The following NXN variants were observed in gnomAD, a reference collection of about 807,000 sequenced individuals.
The protein encoded by NXN is nucleoredoxin.
Under a neutral mutation model 48.6 loss-of-function variants are expected in NXN, and 16 were observed. The ratio of observed to expected loss-of-function variants is 0.33; its 90% CI spans 0.22 to 0.50. NXN has a LOEUF of 0.50. NXN is among the 20% of genes least tolerant of loss of function. The pLI is 0.98. For synonymous variants in NXN, 281 were observed against 269.6 expected (o/e 1.04, Z -0.41); for missense variants, 492 against 605.5 (o/e 0.81, Z 1.97).
intron 1 of NXN, among the ~76,000 whole-genome samples, chr17:931,345 G>T (rs2068851408): frequency 6.6e-6 from 1 of 150,742 alleles, no homozygotes; most frequent in Non-Finnish European, 1.5e-5. Flanking sequence ...CTCAGCTACT[G>T]GAGAGGCTGA....
At chr17:971,791 C>T (rs558039832) in intron 1 of NXN, among the ~76,000 whole-genome samples, 116 of 152,162 alleles carry the variant, frequency 7.6e-4, no homozygotes, top group Admixed American at 1.4e-3. Flanking sequence ...TACGCATAAA[C>T]GGTAAATTCA....
rs962947871 is a variant in NXN, at chr17:898,413, G to C, written c.361-72335C>G. ...ATTCCCACTCTGCCATCTGGAGCTC[G>C]TCCGGACGCCACCTCCTCTGAGAAA... On this transcript the variant is annotated intron_variant, in intron 1 of 7. Transcript: ENST00000336868. Among the ~76,000 whole-genome samples the C allele has an allele frequency of 4.0e-5, 3 of 75,166 alleles. 1 individual carries two copies. Among genetic ancestry groups the C allele is most frequent in the African/African-American group, 9.1e-5 (3 of 32,870 alleles). The allele number at this position is 75,166 out of a possible 152,430, so 49.3% of individuals were successfully genotyped here.
intron 5 of NXN, among the ~76,000 whole-genome samples, chr17:815,129 A>G (rs1462414096): frequency 1.3e-5 from 2 of 152,234 alleles, no homozygotes; most frequent in Non-Finnish European, 2.9e-5. Flanking sequence ...GTGGTTCATA[A>G]TGAAATTCAA....
In NXN at chr17:820,633, A is replaced by AAAT. The variant is rs1475750708; in HGVS notation, c.714-1089_714-1088insATT. On this transcript the variant is annotated intron_variant, in intron 4 of 7. Transcript: ENST00000336868. Reference sequence around the variant, plus strand: ...TCTCAAAAAAAAAAAAAAAAAAAAAAGTGATTGTGGCCAGACATGGTGGCT... The same window carrying AAAT: ...TCTCAAAAAAAAAAAAAAAAAAAAAAAATGTGATTGTGGCCAGACATGGTGGCT... Among the ~76,000 whole-genome samples the AAAT allele has an allele frequency of 8.7e-4, 61 of 70,362 alleles. 21 individuals carry two copies. Among genetic ancestry groups the AAAT allele is most frequent in the South Asian group, 4.0e-3 (9 of 2,276 alleles). The allele number at this position is 70,362 out of a possible 152,430, so 46.2% of individuals were successfully genotyped here.
chr17:900,772 A>G (rs1442974871), intron 1 of NXN, among the ~76,000 whole-genome samples: 1 of 152,116 alleles, frequency 6.6e-6, no homozygotes, highest in African/African-American at 2.4e-5. Context: ...CTTCATGGAA[A>G]GTTTTCTAAT....
chr17:828,247 G>A (rs532439701), intron 1 of NXN, among the ~76,000 whole-genome samples: 3 of 151,670 alleles, frequency 2.0e-5, no homozygotes, highest in African/African-American at 7.3e-5. Context: ...GGGATTACAG[G>A]TGCCCCCTAC....
chr17:876,267 G>T (rs1428704051), intron 1 of NXN, among the ~76,000 whole-genome samples: 3 of 151,856 alleles, frequency 2.0e-5, no homozygotes. Flanking sequence ...GAAAAGAAAA[G>T]AAAGGAAATG....
chr17:896,853 GA>G, intron 1 of NXN: 5 of 1,182,572 alleles, frequency 4.2e-6, no homozygotes, highest in Non-Finnish European at 4.4e-6. Context: ...ACGCGGTCCT[GA>G]CCACCCGCCC....
At chr17:948,543 T>G (rs1388332924) in intron 1 of NXN, among the ~76,000 whole-genome samples, 1 of 152,004 alleles carries the variant, frequency 6.6e-6, no homozygotes, top group Non-Finnish European at 1.5e-5. Flanking sequence ...GGCCCGGCCC[T>G]GCGCTGGGGA....
In NXN at chr17:961,341, T is replaced by C. The variant is rs770415553; in HGVS notation, c.360+17978A>G. ...CAGAGGTTGCAGTGAGCCGAGATCA[T>C]GCCATTGCACTCCAGCCTGGGCGAC... On this transcript the variant is annotated intron_variant, in intron 1 of 7. Coordinates refer to ENST00000336868, the MANE Select transcript of NXN (RefSeq NM_022463.5). 1.6e-4 allele frequency among the ~76,000 whole-genome samples: 24 copies of C among 151,220 alleles called. 1 individual carries two copies. Among genetic ancestry groups the C allele is most frequent in the South Asian group, 1.3e-3 (6 of 4,794 alleles).
At position 920,370 on chromosome 17, in the gene NXN, C is replaced by G. The variant is rs554989741; in HGVS notation, c.360+58949G>C. On this transcript the variant is annotated intron_variant, in intron 1 of 7. Transcript: ENST00000336868. This position sits in a 1 kb window ranked among gnomAD's most constrained non-coding sequence, Gnocchi z 4.6. ...GCCCATGTGGCTCTCCTCCCAGCCC[C>G]GAGCGCCTGGGGATACCTAGGCCCT... is the stretch of plus-strand genomic sequence containing the variant. Among the ~76,000 whole-genome samples, 11 of 152,038 alleles carry G rather than the reference C, an allele frequency of 7.2e-5. No individual in the cohort carries two copies. In the East Asian group the frequency reaches 2.1e-3, roughly 29 times the overall value.
intron 1 of NXN, among the ~76,000 whole-genome samples, chr17:952,209 C>A (rs2030178124): frequency 1.6e-5 from 2 of 122,770 alleles, no homozygotes; most frequent in African/African-American, 2.8e-5. Flanking sequence ...AAGGTTGGAA[C>A]CCGGCAGGTA....
chr17:930,831 G>C (rs910514491), intron 1 of NXN, among the ~76,000 whole-genome samples: 1 of 151,278 alleles, frequency 6.6e-6, no homozygotes, highest in Non-Finnish European at 1.5e-5. Context: ...GAGTGCAGTG[G>C]TGCGATCTCG....
chr17:908,168 G>A (rs77241701), intron 1 of NXN: 82,038 of 151,382 alleles, frequency 0.54, 22,566 homozygotes, highest in Admixed American at 0.66. Flanking sequence ...GTAGGGGTGA[G>A]CTATAAAGGA....
intron 5 of NXN, among the ~76,000 whole-genome samples, chr17:817,115 C>T (rs886580245): frequency 3.3e-5 from 5 of 152,090 alleles, no homozygotes; most frequent in Non-Finnish European, 7.4e-5. Context: ...CTAGGATTAA[C>T]GAATGGATCT....
At chr17:952,064 G>C (rs1037749216) in intron 1 of NXN, among the ~76,000 whole-genome samples, 3 of 152,130 alleles carry the variant, frequency 2.0e-5, no homozygotes, top group African/African-American at 4.8e-5. Flanking sequence ...TTCCGTTTTT[G>C]TGGGGGGCGG....
intron 1 of NXN, among the ~76,000 whole-genome samples, chr17:953,019 T>C (rs62067252): frequency 0.039 from 5,927 of 152,092 alleles, 203 homozygotes; most frequent in African/African-American, 0.093. Context: ...GTGTTAAAGA[T>C]GAGAGCCATG....
chr17:880,158 A>G (rs751360000), intron 1 of NXN: 1 of 152,200 alleles, frequency 6.6e-6, no homozygotes, highest in Non-Finnish European at 1.5e-5. Flanking sequence ...CTTTATCCTT[A>G]TTCAGGGCGT....
intron 1 of NXN, among the ~76,000 whole-genome samples, chr17:891,082 TCCATCCGTCC>T (rs1356711883): frequency 4.1e-5 from 5 of 121,802 alleles, no homozygotes; most frequent in Non-Finnish European, 8.4e-5. Flanking sequence ...CGTCTGTCCG[TCCATCCGTCC>T]GTCCATCCGT....
Sources: allele counts gnomAD v4.1 joint callset (sites outside exome capture counted in the v4.1 genomes callset), GRCh38; gene constraint gnomAD v4.1.1; non-coding constraint Gnocchi (gnomAD v3.1); transcripts MANE v1.5; gene names NCBI Gene and HGNC (gene_info 2026-07-23, HGNC 2026-07-21).